The following RASD2 variants were observed in gnomAD, a reference collection of about 807,000 sequenced individuals.
RASD2 encodes RASD family member 2.
A neutral mutation model predicts 15.8 loss-of-function variants in RASD2; 7 were observed. That is an observed-to-expected ratio of 0.44 (90% confidence interval 0.25 to 0.83). RASD2 has a LOEUF of 0.83. RASD2 is among the 40% of genes least tolerant of loss of function. RASD2 has a pLI of 0.20. For missense variants in RASD2, 274 were observed against 382.8 expected (o/e 0.72, Z 2.37); for synonymous variants, 155 against 153.6 (o/e 1.01, Z -0.07).
chr22:35,538,856 C>A (rs80184709), upstream of RASD2, among the ~76,000 whole-genome samples: 2,611 of 152,318 alleles, frequency 0.017, 67 homozygotes, highest in African/African-American at 0.06. Context: ...AGTTCACTGC[C>A]AGCTCAAGGC....
Position 35,551,393 on chromosome 22 carries a change from G to A in RASD2, c.272-110G>A, listed in dbSNP as rs959430580. 4.3e-5 allele frequency: 48 copies of A among 1,106,916 alleles called. No homozygotes were observed. Among genetic ancestry groups the A allele is most frequent in the Non-Finnish European group, 6.6e-6 (5 of 759,160 alleles). 68.6% of individuals were successfully genotyped at this position (1,106,916 alleles called of 1,614,324 possible). A position where few individuals can be genotyped will look rare whatever the true frequency, so the allele number is the denominator to read the frequency against. On this transcript the variant is annotated intron_variant, in intron 2 of 2. Coordinates refer to ENST00000216127, the MANE Select transcript of RASD2 (RefSeq NM_014310.4). This position sits in a 1 kb window ranked among gnomAD's most constrained non-coding sequence, Gnocchi z 4.9. The stretch of plus-strand genomic sequence containing the variant: ...GTTAAAGCAGTTATGCCGCATAACT[G>A]CTTCAGGGCACCTGTGACTCCCAGC...
At chr22:35,548,873 G>A (rs1236199525) in intron 2 of RASD2, among the ~76,000 whole-genome samples, 1 of 152,206 alleles carries the variant, frequency 6.6e-6, no homozygotes. Context: ...ATACCCCGCA[G>A]GGAGGCTGTG....
At position 35,551,862 on chromosome 22, in the gene RASD2, G is replaced by A. The variant is rs770684908; in HGVS notation, c.631G>A (p.Ala211Thr). Reference sequence around the variant, plus strand: ...CAAGATCTCCGTGCAGTACGGTGACGCCTTCCACCCCAGGCCCTTCTGCAT... The same window carrying A: ...CAAGATCTCCGTGCAGTACGGTGACACCTTCCACCCCAGGCCCTTCTGCAT... ...HRKISVQYGD[A>T]FHPRPFCMRR... The change falls in exon 3 of 3, where the codon GCC (alanine) becomes ACC (threonine). Residue 211 changes from alanine (A) to threonine (T), a missense_variant. Physicochemically the swap from Ala to Thr is moderately conservative, Grantham distance 58. Coordinates refer to ENST00000216127, the MANE Select transcript of RASD2 (RefSeq NM_014310.4). This position sits in a 1 kb window ranked among gnomAD's most constrained non-coding sequence, Gnocchi z 4.9. 7.4e-6 allele frequency: 12 copies of A among 1,613,864 alleles called. No individual in the cohort carries two copies. The highest frequency in any genetic ancestry group is 1.0e-5 in the Non-Finnish European group (12 of 1,180,002).
chr22:35,542,622 T>G (rs1333263082), intron 1 of RASD2, among the ~76,000 whole-genome samples: 1 of 152,178 alleles, frequency 6.6e-6, no homozygotes. Context: ...GATGGCAATG[T>G]GCGTGTCCAA....
At chr22:35,535,506 G>A in the RASD2 span, among the ~76,000 whole-genome samples, 4 of 152,276 alleles carry the variant, frequency 2.6e-5, no homozygotes, top group East Asian at 1.9e-4. Flanking sequence ...GATATGAGTA[G>A]CAAGAGTTCA....
chr22:35,543,450 G>T (rs1287148745), intron 1 of RASD2, among the ~76,000 whole-genome samples: 1 of 151,790 alleles, frequency 6.6e-6, no homozygotes, highest in Non-Finnish European at 1.5e-5. Flanking sequence ...AATTCCCAAA[G>T]GGCTCTTCAA....
At chr22:35,538,474 A>G (rs983119600), upstream of RASD2, among the ~76,000 whole-genome samples, 12 of 152,168 alleles carry the variant, frequency 7.9e-5, no homozygotes, top group Admixed American at 7.2e-4. Context: ...AGGGGAAAAT[A>G]GGCACATGTG....
upstream of RASD2, among the ~76,000 whole-genome samples, chr22:35,539,185 T>C (rs1253592439): frequency 6.6e-6 from 1 of 152,248 alleles, no homozygotes; most frequent in African/African-American, 2.4e-5. Flanking sequence ...TTAGTACTTC[T>C]GTCATTCTGT....
upstream of RASD2, among the ~76,000 whole-genome samples, chr22:35,536,972 A>G (rs1439159679): frequency 1.3e-5 from 2 of 152,210 alleles, no homozygotes; most frequent in African/African-American, 4.8e-5. Flanking sequence ...TTAAATCAGC[A>G]TCTCTGAGTG....
rs971981588 is a variant in RASD2 at position 35,551,085 on chromosome 22, G to A, written c.272-418G>A. ...TGCCCAAGTCTGCTGGCAGCTAAGC[G>A]GATGAGGCCAGATGCAAACTAGGCA... On this transcript the variant is annotated intron_variant, in intron 2 of 2. Coordinates refer to ENST00000216127, the MANE Select transcript of RASD2 (RefSeq NM_014310.4). The surrounding 1 kb of genome is among the most constrained non-coding windows in gnomAD (Gnocchi z 4.9). Among the ~76,000 whole-genome samples, 2 of 152,212 alleles carry A rather than the reference G, an allele frequency of 1.3e-5. No homozygotes were observed. Among genetic ancestry groups the A allele is most frequent in the East Asian group, 1.9e-4 (1 of 5,202 alleles).
the RASD2 span, among the ~76,000 whole-genome samples, chr22:35,532,903 C>A: frequency 6.6e-6 from 1 of 152,192 alleles, no homozygotes. Context: ...CAGGGAGCTG[C>A]ATGGGAGGTG....
At chr22:35,540,189 T>A (rs1020477155), upstream of RASD2, among the ~76,000 whole-genome samples, 4 of 152,142 alleles carry the variant, frequency 2.6e-5, no homozygotes, top group East Asian at 7.7e-4. Flanking sequence ...CGCAAGCCGC[T>A]GGAGACCCCG....
In RASD2 at chr22:35,541,916, C is replaced by T. The variant is rs76841873; in HGVS notation, c.-10+416C>T. Among the ~76,000 whole-genome samples, 11 of 152,286 alleles carry T rather than the reference C, an allele frequency of 7.2e-5. No individual in the cohort carries two copies. In the East Asian group the frequency reaches 2.1e-3, roughly 29 times the overall value. The stretch of plus-strand genomic sequence containing the variant: ...CTGGAGCTGGCTGCAGCCTGCATTA[C>T]CTGGAGGTGGGGAAGGAAGATTAAG... On this transcript the variant is annotated intron_variant, in intron 1 of 2. Transcript: ENST00000216127.
In RASD2 at chr22:35,552,167, G is replaced by A. The variant is rs988153050; in HGVS notation, c.*135G>A. 9.2e-6 allele frequency: 11 copies of A among 1,191,372 alleles called. No homozygotes were observed. Among genetic ancestry groups the A allele is most frequent in the African/African-American group, 7.7e-5 (5 of 64,998 alleles). The allele number at this position is 1,191,372 out of a possible 1,614,324, so 73.8% of individuals were successfully genotyped here. A position where few individuals can be genotyped will look rare whatever the true frequency, so the allele number is the denominator to read the frequency against. On this transcript the variant is annotated 3_prime_UTR_variant, in exon 3 of 3. Transcript: ENST00000216127. Reference sequence around the variant, plus strand: ...CTTAGGCACCAGACTGGAGGCCCCCGGGCGCTGGCCTCCGCACATTCGTCT... The same window carrying A: ...CTTAGGCACCAGACTGGAGGCCCCCAGGCGCTGGCCTCCGCACATTCGTCT...
chr22:35,547,211 G>C (rs373532122), intron 2 of RASD2, 131 bp downstream of exon 2: 1 of 1,204,606 alleles, frequency 8.3e-7, no homozygotes, highest in Non-Finnish European at 1.1e-6. Flanking sequence ...GCACAATGAG[G>C]CTCAGAGAGG....
At chr22:35,542,468 G>T (rs1271069353) in intron 1 of RASD2, among the ~76,000 whole-genome samples, 1 of 152,234 alleles carries the variant, frequency 6.6e-6, no homozygotes, top group African/African-American at 2.4e-5. Context: ...CAAGTCATTT[G>T]CCCAGGGCTG....
chr22:35,541,840 CG>C (rs1480568235), intron 1 of RASD2, among the ~76,000 whole-genome samples: 3 of 152,168 alleles, frequency 2.0e-5, no homozygotes, highest in Non-Finnish European at 2.9e-5. Flanking sequence ...TAGGAGGAAA[CG>C]GGGGCTCAGG....
rs1458932583 is a variant in RASD2 at position 35,551,905 on chromosome 22, T to G, written c.674T>G (p.Met225Arg). The change falls in exon 3 of 3, where the codon ATG becomes AGG. Residue 225 changes from methionine (M) to arginine (R), a missense_variant. Transcript: ENST00000216127. The surrounding 1 kb of genome is among the most constrained non-coding windows in gnomAD (Gnocchi z 4.9). ...RPFCMRRVKEMDAYGMVSPFA... is the reference protein window; with the variant it reads ...RPFCMRRVKERDAYGMVSPFA... ...TTCTGCATGCGCCGCGTCAAGGAGATGGACGCCTATGGCATGGTCTCGCCC... is the reference window on the plus strand; with the variant it reads ...TTCTGCATGCGCCGCGTCAAGGAGAGGGACGCCTATGGCATGGTCTCGCCC... The G allele has an allele frequency of 1.2e-6, 2 of 1,612,586 alleles. No homozygotes were observed. Among genetic ancestry groups the G allele is most frequent in the Non-Finnish European group, 1.7e-6 (2 of 1,180,020 alleles).
At chr22:35,539,816 TG>T, upstream of RASD2, among the ~76,000 whole-genome samples, 1 of 152,246 alleles carries the variant, frequency 6.6e-6, no homozygotes, top group African/African-American at 2.4e-5. Flanking sequence ...TAATAAGTGG[TG>T]TGGAGATATG....
Sources: gnomAD v4.1 joint callset for allele counts (sites outside exome capture counted in the v4.1 genomes callset) on GRCh38, gnomAD v4.1.1 for gene constraint, Gnocchi (gnomAD v3.1) non-coding constraint, MANE v1.5 for transcripts, NCBI Gene and HGNC (gene_info 2026-07-23, HGNC 2026-07-21) for gene names.